ITGA2: variants seen among roughly 807,000 people sequenced by gnomAD.
ITGA2 encodes integrin subunit alpha 2, also known as integrin alpha-2.
Under a neutral mutation model 146.3 loss-of-function variants are expected in ITGA2, and 101 were observed. The ratio of observed to expected loss-of-function variants is 0.69; its 90% CI spans 0.59 to 0.81. The LOEUF is 0.81. Among genes scored for constraint, ITGA2 ranks in the 40% least tolerant of loss-of-function variants. The pLI is 0.00. For synonymous variants in ITGA2, 477 were observed against 487.1 expected (o/e 0.98, Z 0.27); for missense variants, 1,281 against 1,402.7 (o/e 0.91, Z 1.39).
rs529949641 is a variant in ITGA2, at chr5:52,998,242, A to G, written c.64+8710A>G. Among the ~76,000 whole-genome samples the G allele has an allele frequency of 4.6e-5, 7 of 152,208 alleles. 1 individual carries two copies. The highest frequency in any genetic ancestry group is 4.6e-4 in the Admixed American group (7 of 15,288). ...CCCAGCACTTTGGGAGGCTGAGGTC[A>G]GGAGTTCAAGACCAGCTTGGCCAAC... On this transcript the variant is annotated intron_variant, in intron 1 of 29. Transcript: ENST00000296585.
chr5:52,989,848 A>G (rs536569123), intron 1 of ITGA2, among the ~76,000 whole-genome samples: 1 of 151,816 alleles, frequency 6.6e-6, no homozygotes, highest in Admixed American at 6.6e-5. Context: ...ACAGACACGC[A>G]CGCACTCAAG....
Position 53,044,935 on chromosome 5 carries a change from CT to C in ITGA2, c.296-62del. 10 of 1,178,126 alleles carry C rather than the reference CT, an allele frequency of 8.5e-6. No homozygotes were observed. The South Asian group carries it at 1.1e-4, about 13-fold the overall frequency. The allele number at this position is 1,178,126 out of a possible 1,614,324, so 73.0% of individuals were successfully genotyped here. ...ATGCAAACATGGGTGTGCCTGTTTT[CT>C]TTTAATATCTTTAAGTAAACGAGGA... On this transcript the variant is annotated intron_variant, in intron 3 of 29. Transcript: ENST00000296585.
At chr5:53,004,899 T>TG (rs1741756105) in intron 1 of ITGA2, among the ~76,000 whole-genome samples, 1 of 12,910 alleles carries the variant, frequency 7.7e-5, no homozygotes, top group Non-Finnish European at 3.3e-4. Flanking sequence ...GCTTTGTTTT[T>TG]TTTTTTTTTT....
intron 1 of ITGA2, chr5:52,990,120 G>T (rs1740863088): frequency 6.4e-6 from 1 of 155,922 alleles, no homozygotes; most frequent in African/African-American, 2.4e-5. Context: ...TTCTTCCCGG[G>T]GGGACTTGGA....
chr5:53,090,004 T>C lies in ITGA2; in HGVS notation c.3407T>C (p.Ile1136Thr), dbSNP rs1238161981. ...GCCGAAGTACCAACAGGAGTTATAATAGGAAGTATAATTGCTGGAATCCTT... is the reference window on the plus strand; with the variant it reads ...GCCGAAGTACCAACAGGAGTTATAACAGGAAGTATAATTGCTGGAATCCTT... ...EKAEVPTGVI[I>T]GSIIAGILLL... The change falls in exon 29 of 30, where the codon ATA (isoleucine) becomes ACA (threonine). Residue 1136 changes from isoleucine to threonine, a missense_variant. Ile to Thr is a moderately conservative substitution (Grantham distance 89, BLOSUM62 -1). Transcript: ENST00000296585. The C allele has an allele frequency of 6.2e-7, 1 of 1,613,526 alleles. No homozygotes were observed. The highest frequency in any genetic ancestry group is 8.5e-7 in the Non-Finnish European group (1 of 1,179,580).
chr5:53,067,343 C>A, intron 16 of ITGA2, 86 bp downstream of exon 16: 1 of 1,460,228 alleles, frequency 6.8e-7, no homozygotes, highest in Non-Finnish European at 9.5e-7. Context: ...GTTTGTAGGC[C>A]AAGAGAAATA....
intron 1 of ITGA2, among the ~76,000 whole-genome samples, chr5:53,010,449 A>G (rs551180975): frequency 6.6e-6 from 1 of 152,260 alleles, no homozygotes; most frequent in African/African-American, 2.4e-5. Context: ...TGCCTTTTGA[A>G]ATGGGAGTGT....
intron 2 of ITGA2, among the ~76,000 whole-genome samples, chr5:53,035,565 A>G (rs1241842942): frequency 6.6e-6 from 1 of 152,220 alleles, no homozygotes; most frequent in East Asian, 1.9e-4. Flanking sequence ...ATATATGCCA[A>G]AGAATTTAAC....
chr5:53,082,944 G>GC (rs1301729342), intron 26 of ITGA2, among the ~76,000 whole-genome samples: 2 of 152,120 alleles, frequency 1.3e-5, no homozygotes, highest in Admixed American at 6.5e-5. Context: ...AGTACATTTT[G>GC]TGCATGTTTA....
Position 53,026,824 on chromosome 5 carries a change from G to A in ITGA2, c.141G>A (p.Gln47=), listed in dbSNP as rs1175990531. 1 of 1,613,640 alleles carries A rather than the reference G, an allele frequency of 6.2e-7. No homozygotes were observed. The highest frequency in any genetic ancestry group is 8.5e-7 in the Non-Finnish European group (1 of 1,179,596). ...TATTTTCCGGTCCTTCAAGTGAACA[G>A]TTTGGCTATGCAGTGCAGCAGTTTA... is the stretch of plus-strand genomic sequence containing the variant. ...AKIFSGPSSE[Q]FGYAVQQFIN... is the part of the protein sequence containing the mutation. The change falls in exon 2 of 30, where the codon CAG becomes CAA. Residue 47 remains glutamine, a synonymous_variant. Transcript: ENST00000296585.
intron 1 of ITGA2, among the ~76,000 whole-genome samples, chr5:53,009,425 T>C (rs574952361): frequency 1.4e-4 from 22 of 152,146 alleles, no homozygotes; most frequent in Non-Finnish European, 2.4e-4. Flanking sequence ...CTGCAGAAAA[T>C]GTCCTCATTA....
Position 53,062,795 on chromosome 5 carries a change from T to C in ITGA2, c.1468T>C (p.Tyr490His). 6.2e-7 allele frequency: 1 copy of C among 1,611,546 alleles called. No individual in the cohort carries two copies. Among genetic ancestry groups the C allele is most frequent in the Non-Finnish European group, 8.5e-7 (1 of 1,178,172 alleles). Residue 490 changes from tyrosine (Y) to histidine (H), a missense_variant, in exon 13 of 30, where the codon TAT (tyrosine) becomes CAT (histidine). By Grantham distance (83) the Tyr-to-His change is moderately conservative. Around this residue, in one of 3 missense-constraint regions of ITGA2, gnomAD observed 795 missense variants for 841.7 expected, o/e 0.94. Transcript: ENST00000296585. ...QAHRGDQIGS[Y>H]FGSVLCSVDV... Reference sequence around the variant, plus strand: ...TGTTTTATTACTCCAGATTGGCTCCTATTTTGGTAGTGTGCTGTGTTCAGT... The same window carrying C: ...TGTTTTATTACTCCAGATTGGCTCCCATTTTGGTAGTGTGCTGTGTTCAGT...
At position 53,042,121 on chromosome 5, in the gene ITGA2, T is replaced by C; in HGVS notation, c.195T>C (p.Val65=). 1 of 1,608,406 alleles carries C rather than the reference T, an allele frequency of 6.2e-7. No individual in the cohort carries two copies. The highest frequency in any genetic ancestry group is 2.2e-5 in the East Asian group (1 of 44,826). ...AAAAATGTGTTTCTAGGTTACTGGT[T>C]GGTTCACCCTGGAGTGGCTTTCCTG... ...FINPKGNWLL[V]GSPWSGFPEN... Residue 65 remains valine, a synonymous_variant, in exon 3 of 30, where the codon GTT becomes GTC. Coordinates refer to ENST00000296585, the MANE Select transcript of ITGA2 (RefSeq NM_002203.4).
intron 1 of ITGA2, among the ~76,000 whole-genome samples, chr5:53,000,498 A>G (rs1741507247): frequency 6.6e-6 from 1 of 151,416 alleles, no homozygotes; most frequent in South Asian, 2.1e-4. Flanking sequence ...TATGTTTCTT[A>G]CTCTCTCTAC....
At chr5:53,073,703 T>A (rs192661415) in intron 20 of ITGA2, among the ~76,000 whole-genome samples, 2 of 151,908 alleles carry the variant, frequency 1.3e-5, no homozygotes, top group Admixed American at 1.3e-4. Flanking sequence ...CACTTGACTG[T>A]GAGTGCTCCC....
At chr5:53,027,659 C>G (rs1743017664) in intron 2 of ITGA2, among the ~76,000 whole-genome samples, 1 of 152,186 alleles carries the variant, frequency 6.6e-6, no homozygotes, top group South Asian at 2.1e-4. Flanking sequence ...GCCATGGGGA[C>G]CTTATCTCCT....
At chr5:53,007,043 G>A (rs974602793) in intron 1 of ITGA2, among the ~76,000 whole-genome samples, 2 of 152,062 alleles carry the variant, frequency 1.3e-5, no homozygotes, top group Non-Finnish European at 2.9e-5. Context: ...TCCTAACTAC[G>A]AATAATGATA....
chr5:52,999,320 T>A (rs1741453372), intron 1 of ITGA2, among the ~76,000 whole-genome samples: 1 of 152,182 alleles, frequency 6.6e-6, no homozygotes, highest in African/African-American at 2.4e-5. Context: ...CAGTAAATTT[T>A]AAAACTTTTA....
intron 11 of ITGA2, 147 bp from the exon 12 acceptor site, chr5:53,060,754 C>T: frequency 2.6e-6 from 2 of 766,894 alleles, no homozygotes; most frequent in Non-Finnish European, 4.6e-6. Flanking sequence ...AAAAGGAAGA[C>T]ATGTCCTCAG....
Sources: gnomAD v4.1 joint callset for allele counts (sites outside exome capture counted in the v4.1 genomes callset) on GRCh38, gnomAD v4.1.1 for gene constraint, gnomAD v4.1.1 regional missense constraint, MANE v1.5 for transcripts, NCBI Gene and HGNC (gene_info 2026-07-23, HGNC 2026-07-21) for gene names.